DIP2C: variants seen among roughly 807,000 people sequenced by gnomAD.
DIP2C encodes the protein DIP2 acetate--CoA ligase C (putative), also known as disco-interacting protein 2 homolog C.
DIP2C carries 33 observed loss-of-function variants against 192.4 expected under a neutral mutation model. The observed-to-expected ratio is 0.17, with a 90% CI of 0.13 to 0.23. The LOEUF (loss-of-function observed/expected upper bound fraction) is 0.23. Ranked by LOEUF, DIP2C falls within the 10% of genes least tolerant of loss-of-function variation. The probability of loss-of-function intolerance (pLI) is 1.00; values close to 1 mark genes in which losing one functional copy is unlikely to be tolerated. For synonymous variants in DIP2C, 979 were observed against 864.1 expected (o/e 1.13, Z -2.33); for missense variants, 1,537 against 2,110.1 (o/e 0.73, Z 5.32).
intron 1 of DIP2C, among the ~76,000 whole-genome samples, chr10:501,060 G>A (rs142275777): frequency 2.0e-5 from 3 of 152,306 alleles, no homozygotes; most frequent in Admixed American, 6.5e-5. Flanking sequence ...CACACATTAT[G>A]ACTTTCTCTG....
chr10:582,015 C>T (rs1850699897), intron 1 of DIP2C, among the ~76,000 whole-genome samples: 2 of 152,056 alleles, frequency 1.3e-5, no homozygotes, highest in Admixed American at 1.3e-4. Context: ...CCCTCACGCA[C>T]AGTTTACAAT....
At chr10:438,132 C>A (rs1459221383) in intron 4 of DIP2C, among the ~76,000 whole-genome samples, 3 of 152,178 alleles carry the variant, frequency 2.0e-5, no homozygotes, top group African/African-American at 7.2e-5. Flanking sequence ...CCAAATATTT[C>A]ACAAAAATAA....
rs755155831 is a variant in DIP2C at position 422,972 on chromosome 10, G to C, written c.456C>G (p.Thr152=). The change falls in exon 5 of 37, where the codon ACC becomes ACG. Residue 152 remains threonine (T), a synonymous_variant. Coordinates refer to ENST00000280886, the MANE Select transcript of DIP2C (RefSeq NM_014974.3). ...CCATATTGATGCTGCCCTGGCTGGA[G>C]GTGGGGGTGCCCTGGGAGTCCCCCT... ...SVQGDSQGTP[T]SSQGSINMEH... 6 of 1,614,178 alleles carry C rather than the reference G, an allele frequency of 3.7e-6. No homozygotes were observed. The African/African-American group carries it at 5.3e-5, about 14-fold the overall frequency.
intron 32 of DIP2C, among the ~76,000 whole-genome samples, chr10:294,935 G>A (rs1955676953): frequency 6.6e-6 from 1 of 151,852 alleles, no homozygotes; most frequent in Non-Finnish European, 1.5e-5. Flanking sequence ...TAATATTCAG[G>A]ATATATAAGG....
chr10:344,565 TCTA>T (rs1455718130), intron 28 of DIP2C, among the ~76,000 whole-genome samples: 2 of 152,218 alleles, frequency 1.3e-5, no homozygotes, highest in South Asian at 2.1e-4. Flanking sequence ...TTCGCAGTGT[TCTA>T]CTGTCAGCTG....
intron 1 of DIP2C, among the ~76,000 whole-genome samples, chr10:644,144 C>T (rs1273615566): frequency 1.3e-5 from 2 of 152,254 alleles, no homozygotes; most frequent in African/African-American, 2.4e-5. Flanking sequence ...GGGAGTTACA[C>T]ATCAGCTTGC....
intron 4 of DIP2C, among the ~76,000 whole-genome samples, chr10:428,980 C>A (rs1424026275): frequency 6.6e-6 from 1 of 152,024 alleles, no homozygotes; most frequent in Non-Finnish European, 1.5e-5. Context: ...GCACAGCGTC[C>A]CCTATCATCA....
chr10:686,557 C>A (rs1440942397), intron 1 of DIP2C, among the ~76,000 whole-genome samples: 2 of 152,264 alleles, frequency 1.3e-5, no homozygotes, highest in Non-Finnish European at 2.9e-5. Context: ...GAGATGACCC[C>A]CCTGGCCACA....
At chr10:509,041 T>TG (rs1845831403) in intron 1 of DIP2C, among the ~76,000 whole-genome samples, 2 of 152,168 alleles carry the variant, frequency 1.3e-5, no homozygotes, top group Non-Finnish European at 2.9e-5. Flanking sequence ...CCACCTCCCA[T>TG]GTCCTGAACC....
intron 1 of DIP2C, among the ~76,000 whole-genome samples, chr10:523,378 CCA>C (rs1846843746): frequency 6.8e-6 from 1 of 147,448 alleles, no homozygotes; most frequent in Non-Finnish European, 1.5e-5. Flanking sequence ...TCTGTGTCAC[CCA>C]CACACTCGTT....
chr10:499,862 CTT>C (rs1306634907), intron 1 of DIP2C, among the ~76,000 whole-genome samples: 5 of 152,332 alleles, frequency 3.3e-5, no homozygotes, highest in Admixed American at 2.6e-4. Context: ...AAATTGTTGA[CTT>C]TATCATAGAG....
chr10:534,448 TC>T (rs765141510), intron 1 of DIP2C, among the ~76,000 whole-genome samples: 3 of 152,144 alleles, frequency 2.0e-5, no homozygotes, highest in Non-Finnish European at 4.4e-5. Context: ...GAAATCCTTC[TC>T]TTTTTGTCAG....
In DIP2C at chr10:400,709, T is replaced by C. The variant is rs182378264; in HGVS notation, c.1150-1490A>G. Among the ~76,000 whole-genome samples the C allele has an allele frequency of 1.5e-3, 231 of 151,768 alleles. 3 individuals are homozygous for C. Among genetic ancestry groups the C allele is most frequent in the African/African-American group, 4.8e-3 (198 of 41,258 alleles). On this transcript the variant is annotated intron_variant, in intron 9 of 36. Coordinates refer to ENST00000280886, the MANE Select transcript of DIP2C (RefSeq NM_014974.3). The stretch of plus-strand genomic sequence containing the variant: ...TGTGTTCATCAGCACATGAATCCTG[T>C]GATTTTACACGTGTGGTAGCATTAG...
At chr10:508,901 GCCACTCTGACCCGA>G (rs978234350) in intron 1 of DIP2C, among the ~76,000 whole-genome samples, 1 of 152,098 alleles carries the variant, frequency 6.6e-6, no homozygotes, top group African/African-American at 2.4e-5. Flanking sequence ...CTGGAAGGCG[GCCACTCTGACCCGA>G]CCGTCCACCT....
chr10:501,323 T>C (rs1845209778), intron 1 of DIP2C, among the ~76,000 whole-genome samples: 1 of 128,788 alleles, frequency 7.8e-6, no homozygotes, highest in African/African-American at 2.5e-5. Context: ...TAATTAAGAA[T>C]ATACTTTATT....
At chr10:365,320 G>T (rs1960057869) in intron 19 of DIP2C, among the ~76,000 whole-genome samples, 1 of 152,166 alleles carries the variant, frequency 6.6e-6, no homozygotes, top group African/African-American at 2.4e-5. Context: ...ATTGCTTGAG[G>T]CCAGGAGTTT....
chr10:554,360 A>G (rs1848736498), intron 1 of DIP2C, among the ~76,000 whole-genome samples: 1 of 152,240 alleles, frequency 6.6e-6, no homozygotes, highest in African/African-American at 2.4e-5. Context: ...TCTGCAGTGG[A>G]TAAATGTTTC....
chr10:677,039 C>T (rs1588751695), intron 1 of DIP2C, among the ~76,000 whole-genome samples: 1 of 152,138 alleles, frequency 6.6e-6, no homozygotes, highest in Non-Finnish European at 1.5e-5. Context: ...TGAAATATCA[C>T]GCTGTATCCC....
chr10:317,375 C>T (rs554908228), intron 31 of DIP2C, among the ~76,000 whole-genome samples: 6 of 152,356 alleles, frequency 3.9e-5, no homozygotes, highest in Non-Finnish European at 8.8e-5. Flanking sequence ...AGTGGCACAG[C>T]AGAGCTGAGT....
Sources: allele counts gnomAD v4.1 joint callset (sites outside exome capture counted in the v4.1 genomes callset), GRCh38; gene constraint gnomAD v4.1.1; transcripts MANE v1.5; gene names NCBI Gene and HGNC (gene_info 2026-07-23, HGNC 2026-07-21).